Variants in ENTREP2 observed in about 807,000 individuals in gnomAD.
The protein encoded by ENTREP2 is endosomal transmembrane epsin interactor 2.
chr15:29,465,137 C>T, the ENTREP2 span, among the ~76,000 whole-genome samples: 3 of 152,054 alleles, frequency 2.0e-5, no homozygotes, highest in East Asian at 5.8e-4. Flanking sequence ...CCCGATATAA[C>T]CCCCACTCAG....
the ENTREP2 span, among the ~76,000 whole-genome samples, chr15:29,398,212 T>C: frequency 6.7e-6 from 1 of 149,752 alleles, no homozygotes; most frequent in South Asian, 2.1e-4. Flanking sequence ...CATAGGACAG[T>C]GCATTAAAAT....
chr15:29,630,880 A>C, the ENTREP2 span, among the ~76,000 whole-genome samples: 2 of 152,078 alleles, frequency 1.3e-5, no homozygotes, highest in Non-Finnish European at 2.9e-5. Flanking sequence ...ACGGGATTTC[A>C]CCATGTTGGC....
chr15:29,278,781 C>G, the ENTREP2 span, among the ~76,000 whole-genome samples: 1 of 152,122 alleles, frequency 6.6e-6, no homozygotes, highest in East Asian at 1.9e-4. Context: ...ATTTCTGGAG[C>G]CTCAATTCTA....
the ENTREP2 span, among the ~76,000 whole-genome samples, chr15:29,306,939 GGTTTCGCCAT>G: frequency 6.6e-6 from 1 of 151,848 alleles, no homozygotes; most frequent in Non-Finnish European, 1.5e-5. Context: ...GTAGAGACAG[GGTTTCGCCAT>G]GTTGCCCAGG....
chr15:29,653,601 C>A, the ENTREP2 span, among the ~76,000 whole-genome samples: 5 of 152,200 alleles, frequency 3.3e-5, no homozygotes, highest in Non-Finnish European at 7.3e-5. Flanking sequence ...CCTTCTCCTT[C>A]CTGCCACTTT....
the ENTREP2 span, among the ~76,000 whole-genome samples, chr15:29,384,058 GC>G: frequency 2.0e-5 from 3 of 151,956 alleles, no homozygotes; most frequent in Non-Finnish European, 4.4e-5. Context: ...CCTTCCAAAT[GC>G]CCCTGAAACC....
chr15:29,199,756 T>C, the ENTREP2 span, among the ~76,000 whole-genome samples: 1 of 152,198 alleles, frequency 6.6e-6, no homozygotes, highest in Admixed American at 6.5e-5. Flanking sequence ...AAGGCCAACT[T>C]ACATATTTTT....
chr15:29,424,015 G>A, the ENTREP2 span, among the ~76,000 whole-genome samples: 1 of 152,130 alleles, frequency 6.6e-6, no homozygotes, highest in African/African-American at 2.4e-5. Flanking sequence ...GGACCCTCAC[G>A]GTGAGTGTCA....
the ENTREP2 span, among the ~76,000 whole-genome samples, chr15:29,444,197 A>C: frequency 6.5e-4 from 93 of 143,118 alleles, 2 homozygotes; most frequent in African/African-American, 1.2e-3. Context: ...AAAGAAAGAA[A>C]GAAAGAAAGA....
At chr15:29,579,956 TGTCTCGGCCTCCCAAAGTGCTGG>T in the ENTREP2 span, among the ~76,000 whole-genome samples, 1 of 151,884 alleles carries the variant, frequency 6.6e-6, no homozygotes, top group South Asian at 2.1e-4. Flanking sequence ...AAGATCCACC[TGTCTCGGCCTCCCAAAGTGCTGG>T]GATTACAGGT....
the ENTREP2 span, among the ~76,000 whole-genome samples, chr15:29,359,158 A>G: frequency 0.03 from 4,494 of 152,298 alleles, 84 homozygotes; most frequent in Middle Eastern, 0.058. Flanking sequence ...AATATGGATC[A>G]TGTAGGAAAA....
chr15:29,604,782 G>C, the ENTREP2 span, among the ~76,000 whole-genome samples: 23 of 152,290 alleles, frequency 1.5e-4, no homozygotes, highest in East Asian at 1.4e-3. Context: ...CTCTAAGGAA[G>C]CTGATTAGGA....
the ENTREP2 span, among the ~76,000 whole-genome samples, chr15:29,283,126 C>T: frequency 6.6e-6 from 1 of 152,168 alleles, no homozygotes; most frequent in East Asian, 1.9e-4. Context: ...GCAGCTATCC[C>T]AGGCCAGAGT....
the ENTREP2 span, among the ~76,000 whole-genome samples, chr15:29,602,772 A>G: frequency 1.3e-5 from 2 of 152,128 alleles, no homozygotes; most frequent in African/African-American, 4.8e-5. Context: ...ATGAGCCAAA[A>G]CACAAAGCCA....
At chr15:29,222,664 G>A in the ENTREP2 span, among the ~76,000 whole-genome samples, 2 of 152,116 alleles carry the variant, frequency 1.3e-5, no homozygotes, top group African/African-American at 2.4e-5. Flanking sequence ...TGTGCTGTGA[G>A]AAGTGCAGAA....
At chr15:29,605,706 G>C in the ENTREP2 span, among the ~76,000 whole-genome samples, 22 of 151,888 alleles carry the variant, frequency 1.4e-4, no homozygotes, top group South Asian at 4.6e-3. Context: ...CATGATGGGG[G>C]GGTGCCTATA....
At chr15:29,318,471 C>T in the ENTREP2 span, among the ~76,000 whole-genome samples, 10 of 152,256 alleles carry the variant, frequency 6.6e-5, no homozygotes, top group East Asian at 1.7e-3. Context: ...CAGGCGCCTG[C>T]CAGCACACCT....
chr15:29,489,408 T>C, the ENTREP2 span, among the ~76,000 whole-genome samples: 4 of 152,186 alleles, frequency 2.6e-5, no homozygotes, highest in African/African-American at 9.7e-5. Context: ...ACGTTGCCCT[T>C]GGGTGCAGAC....
At chr15:29,165,472 C>A in the ENTREP2 span, among the ~76,000 whole-genome samples, 2 of 152,064 alleles carry the variant, frequency 1.3e-5, no homozygotes, top group African/African-American at 2.4e-5. Context: ...ATCCAAATAA[C>A]CTCATTAAGA....
Sources: gnomAD v4.1 joint callset for allele counts (sites outside exome capture counted in the v4.1 genomes callset) on GRCh38, gnomAD v4.1.1 for gene constraint, MANE v1.5 for transcripts, NCBI Gene and HGNC (gene_info 2026-07-23, HGNC 2026-07-21) for gene names.